The following GALNT11 variants were observed in gnomAD, a reference collection of about 807,000 sequenced individuals.
The protein encoded by GALNT11 is polypeptide N-acetylgalactosaminyltransferase 11.
GALNT11 carries 47 observed loss-of-function variants against 72.7 expected under a neutral mutation model. That is an observed-to-expected ratio of 0.65 (90% CI 0.51 to 0.82). GALNT11 has a LOEUF of 0.82. Ranked by LOEUF, GALNT11 falls within the 40% of genes least tolerant of loss-of-function variation. The pLI is 0.00. For missense variants in GALNT11, 677 were observed against 778.4 expected, an observed-to-expected ratio of 0.87 and a Z score of 1.55; for synonymous variants, 270 against 286.6, an observed-to-expected ratio of 0.94 and a Z score of 0.58.
At chr7:152,054,534 G>A (rs1426864840) in intron 1 of GALNT11, among the ~76,000 whole-genome samples, 14 of 143,950 alleles carry the variant, frequency 9.7e-5, no homozygotes, top group African/African-American at 3.1e-4. Context: ...TTGAGGCAGG[G>A]TCTCATGCTG....
intron 1 of GALNT11, among the ~76,000 whole-genome samples, chr7:152,034,424 T>C (rs2082456553): frequency 6.6e-6 from 1 of 152,196 alleles, no homozygotes. Context: ...GTGGCCATTT[T>C]TCCCCATCAG....
At chr7:152,086,576 T>G (rs987151612) in intron 1 of GALNT11, among the ~76,000 whole-genome samples, 2 of 152,212 alleles carry the variant, frequency 1.3e-5, no homozygotes, top group Non-Finnish European at 2.9e-5. Context: ...ATCATGATGT[T>G]GAGCTGTTGT....
intron 1 of GALNT11, among the ~76,000 whole-genome samples, chr7:152,065,040 CAG>C (rs1563053807): frequency 6.6e-6 from 1 of 152,186 alleles, no homozygotes; most frequent in Non-Finnish European, 1.5e-5. Flanking sequence ...TAATATCCTG[CAG>C]AGTGTTTTCC....
At chr7:152,113,592 T>C (rs1563081256) in intron 8 of GALNT11, among the ~76,000 whole-genome samples, 194 bp downstream of exon 8, 2 of 152,072 alleles carry the variant, frequency 1.3e-5, no homozygotes, top group Admixed American at 6.5e-5. Context: ...ATCTGACTCT[T>C]TTAATTTTGT....
chr7:152,109,360 C>T (rs1263308202), intron 6 of GALNT11, among the ~76,000 whole-genome samples: 2 of 152,188 alleles, frequency 1.3e-5, no homozygotes, highest in Admixed American at 6.5e-5. Context: ...TGGCATTCAC[C>T]GTTTCAGACA....
rs557160746 is a variant in GALNT11, at chr7:152,035,833, C to T, written c.-39+9949C>T. 2.1e-4 allele frequency among the ~76,000 whole-genome samples: 32 copies of T among 152,298 alleles called. 1 individual carries two copies. The South Asian group carries it at 2.5e-3, about 12-fold the overall frequency. Reference sequence around the variant, plus strand: ...GATGGTACTCACTGCTTGGCAATAGCGTCAGCCCCAAGTGAGGATGGGGAA... The same window carrying T: ...GATGGTACTCACTGCTTGGCAATAGTGTCAGCCCCAAGTGAGGATGGGGAA... On this transcript the variant is annotated intron_variant, in intron 1 of 11. Transcript: ENST00000430044.
At chr7:152,031,847 T>A (rs1007516440) in intron 1 of GALNT11, among the ~76,000 whole-genome samples, 3 of 152,126 alleles carry the variant, frequency 2.0e-5, no homozygotes, top group Non-Finnish European at 4.4e-5. Context: ...TCTCCTTGAT[T>A]AGAGTATAGA....
At position 152,047,653 on chromosome 7, in the gene GALNT11, C is replaced by T. The variant is rs536114794; in HGVS notation, c.-39+21769C>T. ...TTGAGGCTGCAGTGAGCTGTGATTG[C>T]ACCACTGCACTCTAGCCTGGTCAAC... On this transcript the variant is annotated intron_variant, in intron 1 of 11. Transcript: ENST00000430044. Among the ~76,000 whole-genome samples, 4 of 152,032 alleles carry T rather than the reference C, an allele frequency of 2.6e-5. No individual in the cohort carries two copies. The East Asian group carries it at 7.8e-4, about 30-fold the overall frequency.
chr7:152,110,385 T>C, intron 6 of GALNT11, 143 bp from the exon 7 acceptor site: 1 of 707,326 alleles, frequency 1.4e-6, no homozygotes, highest in Admixed American at 2.6e-5. Flanking sequence ...TGGCTCATTC[T>C]CTGATACTGG....
At chr7:152,060,381 G>A (rs989249008) in intron 1 of GALNT11, among the ~76,000 whole-genome samples, 6 of 151,912 alleles carry the variant, frequency 3.9e-5, no homozygotes, top group East Asian at 3.9e-4. Context: ...TTTCCTTTGC[G>A]TTCACAACTT....
chr7:152,036,967 T>G (rs2082611487), intron 1 of GALNT11, among the ~76,000 whole-genome samples: 1 of 152,252 alleles, frequency 6.6e-6, no homozygotes, highest in African/African-American at 2.4e-5. Flanking sequence ...TTTGAGTTTC[T>G]TATGTATTCT....
chr7:152,068,875 A>G (rs1421236990), intron 1 of GALNT11, among the ~76,000 whole-genome samples: 1 of 151,222 alleles, frequency 6.6e-6, no homozygotes. Context: ...TTAATTTTTT[A>G]ATTTTTAATT....
intron 2 of GALNT11, among the ~76,000 whole-genome samples, chr7:152,097,702 C>G (rs2086484101): frequency 6.6e-6 from 1 of 152,208 alleles, no homozygotes; most frequent in African/African-American, 2.4e-5. Context: ...CATGCTACAA[C>G]ATGGATGAAC....
intron 1 of GALNT11, among the ~76,000 whole-genome samples, chr7:152,065,004 T>C (rs905027187): frequency 6.6e-6 from 1 of 152,328 alleles, no homozygotes; most frequent in South Asian, 2.1e-4. Context: ...TGGCCTGCCT[T>C]GCTAGGTTGG....
At chr7:152,064,719 GTT>G (rs1395697751) in intron 1 of GALNT11, among the ~76,000 whole-genome samples, 1 of 152,134 alleles carries the variant, frequency 6.6e-6, no homozygotes, top group Admixed American at 6.5e-5. Context: ...ATGAAGCTTA[GTT>G]TGGCTGGATA....
intron 1 of GALNT11, among the ~76,000 whole-genome samples, chr7:152,067,052 G>A (rs1008764921): frequency 1.3e-5 from 2 of 152,276 alleles, no homozygotes; most frequent in Admixed American, 6.5e-5. Context: ...CAACGTCAAC[G>A]AAGCACAATA....
At chr7:152,071,321 G>A (rs1014892081) in intron 1 of GALNT11, among the ~76,000 whole-genome samples, 24 of 152,116 alleles carry the variant, frequency 1.6e-4, no homozygotes, top group African/African-American at 4.8e-4. Context: ...CTCCAGGCAC[G>A]TATTCTCTTT....
intron 1 of GALNT11, among the ~76,000 whole-genome samples, chr7:152,052,475 A>G (rs894594095): frequency 6.6e-6 from 1 of 152,202 alleles, no homozygotes; most frequent in Non-Finnish European, 1.5e-5. Flanking sequence ...CATGTTTAAC[A>G]TATTGAGGAA....
At chr7:152,076,844 T>C (rs556294255) in intron 1 of GALNT11, among the ~76,000 whole-genome samples, 1 of 152,364 alleles carries the variant, frequency 6.6e-6, no homozygotes, top group Non-Finnish European at 1.5e-5. Context: ...TGATTAAGTC[T>C]GTCAGCTTTC....
Sources: gnomAD v4.1 joint callset for allele counts (sites outside exome capture counted in the v4.1 genomes callset) on GRCh38, gnomAD v4.1.1 for gene constraint, MANE v1.5 for transcripts, NCBI Gene and HGNC (gene_info 2026-07-23, HGNC 2026-07-21) for gene names.